The following CFAP47 variants were observed in gnomAD, a reference collection of about 807,000 sequenced individuals.
CFAP47 encodes the protein cilia and flagella associated protein 47, also known as cilia- and flagella-associated protein 47.
In CFAP47, 29 loss-of-function variants were observed where a neutral mutation model predicts 148.1. That is an observed-to-expected ratio of 0.20 (90% CI 0.15 to 0.27). The LOEUF (loss-of-function observed/expected upper bound fraction) is 0.27. Among genes scored for constraint, CFAP47 ranks in the 10% least tolerant of loss-of-function variants. CFAP47 has a pLI of 1.00. For synonymous variants in CFAP47, 664 were observed against 577.3 expected, an observed-to-expected ratio of 1.15 and a Z score of -2.15; for missense variants, 1,872 against 1,697.5, an observed-to-expected ratio of 1.10 and a Z score of -1.81.
chrX:36,186,519 T>C (rs1303034824), intron 40 of CFAP47, among the ~76,000 whole-genome samples: 1 of 112,137 alleles, frequency 8.9e-6, no homozygotes, highest in Non-Finnish European at 1.9e-5. Flanking sequence ...AAGGGCATGA[T>C]GCATCAAAAC....
In CFAP47 at chrX:35,975,252, C is replaced by T; in HGVS notation, c.2360C>T (p.Thr787Ile). 8.3e-7 allele frequency: 1 copy of T among 1,198,728 alleles called. No individual in the cohort carries two copies. Among genetic ancestry groups the T allele is most frequent in the Non-Finnish European group, 1.1e-6 (1 of 884,531 alleles). Reference sequence around the variant, plus strand: ...ATGCATGTTTTGCTCCAGTTAGATACTGATTTAGAAGAACTTCAGAAGACC... The same window carrying T: ...ATGCATGTTTTGCTCCAGTTAGATATTGATTTAGAAGAACTTCAGAAGACC... ...LPMHVLLQLD[T>I]DLEELQKTNQ... Residue 787 changes from threonine to isoleucine, a missense_variant, in exon 14 of 64, where the codon ACT (threonine) becomes ATT (isoleucine). Transcript: ENST00000378653.
chrX:36,121,855 G>A (rs12008754), intron 33 of CFAP47, among the ~76,000 whole-genome samples: 10,860 of 110,769 alleles, frequency 0.098, 1,040 homozygotes, highest in African/African-American at 0.3. Context: ...TTTTCTGTAT[G>A]CTTATTATTA....
chrX:35,987,505 C>T (rs1332139044), intron 15 of CFAP47, among the ~76,000 whole-genome samples: 1 of 111,746 alleles, frequency 8.9e-6, no homozygotes, highest in Non-Finnish European at 1.9e-5. Context: ...GCTGTGCTGG[C>T]AGTGAGAATT....
chrX:35,998,604 G>A (rs1936876331), intron 19 of CFAP47, among the ~76,000 whole-genome samples: 1 of 111,517 alleles, frequency 9.0e-6, no homozygotes, highest in Admixed American at 9.6e-5. Context: ...CCTCAGGTAG[G>A]GGGCTCACTG....
chrX:36,040,598 A>G (rs1395386929), intron 25 of CFAP47, among the ~76,000 whole-genome samples: 1 of 112,000 alleles, frequency 8.9e-6, no homozygotes, highest in Non-Finnish European at 1.9e-5. Context: ...AATATAGACT[A>G]TGTTCTCCAA....
At position 36,089,170 on chromosome X, in the gene CFAP47, C is replaced by A. The variant is rs1418414740; in HGVS notation, c.4916+3632C>A. 5.4e-5 allele frequency among the ~76,000 whole-genome samples: 6 copies of A among 110,840 alleles called. No homozygotes were observed. In the East Asian group the frequency reaches 1.4e-3, roughly 26 times the overall value. ...ATCACACAAGGTCAGGAGTTTGAGA[C>A]CAGCCTGGCCAACATGGAGAAGCCC... On this transcript the variant is annotated intron_variant, in intron 30 of 63. Coordinates refer to ENST00000378653, the MANE Select transcript of CFAP47 (RefSeq NM_001304548.2).
At chrX:36,243,967 A>G (rs1409197582) in intron 48 of CFAP47, among the ~76,000 whole-genome samples, 2 of 110,349 alleles carry the variant, frequency 1.8e-5, no homozygotes, top group Admixed American at 9.7e-5. Flanking sequence ...TTTAAGATTG[A>G]CCACATGTTC....
chrX:36,257,431 T>C (rs1200625146), intron 49 of CFAP47, among the ~76,000 whole-genome samples: 1 of 109,854 alleles, frequency 9.1e-6, no homozygotes, highest in Non-Finnish European at 1.9e-5. Flanking sequence ...TTTCTTTTTT[T>C]TTTTTTTAAA....
At chrX:36,200,218 A>G (rs1939965154) in intron 42 of CFAP47, among the ~76,000 whole-genome samples, 161 bp from the exon 43 acceptor site, 1 of 112,101 alleles carries the variant, frequency 8.9e-6, no homozygotes, top group Non-Finnish European at 1.9e-5. Flanking sequence ...TGGTTGAACT[A>G]TATTTGTGCC....
intron 62 of CFAP47, among the ~76,000 whole-genome samples, chrX:36,369,913 G>A (rs1387461862): frequency 3.6e-5 from 4 of 111,273 alleles, no homozygotes; most frequent in Non-Finnish European, 7.5e-5. Flanking sequence ...TAAAGAATGT[G>A]CAGGCTTGCC....
intron 15 of CFAP47, among the ~76,000 whole-genome samples, chrX:35,981,514 C>T (rs2146675281): frequency 9.1e-6 from 1 of 109,846 alleles, no homozygotes; most frequent in South Asian, 3.9e-4. Context: ...AACAATTAGA[C>T]AAAATATACA....
At chrX:36,165,101 T>C (rs990577285) in intron 39 of CFAP47, among the ~76,000 whole-genome samples, 1 of 112,053 alleles carries the variant, frequency 8.9e-6, no homozygotes, top group Non-Finnish European at 1.9e-5. Context: ...TCCAGGTTCA[T>C]CCACGTTGTT....
At chrX:36,154,130 G>T (rs1485262674) in intron 37 of CFAP47, among the ~76,000 whole-genome samples, 2 of 111,845 alleles carry the variant, frequency 1.8e-5, no homozygotes, top group Non-Finnish European at 3.8e-5. Context: ...TTTCAATATG[G>T]ATAAGCTAAG....
intron 49 of CFAP47, among the ~76,000 whole-genome samples, chrX:36,254,115 A>G (rs1940722561): frequency 8.9e-6 from 1 of 111,841 alleles, no homozygotes; most frequent in Non-Finnish European, 1.9e-5. Flanking sequence ...GATATATCTA[A>G]AGTTTAATTA....
chrX:36,200,160 T>C (rs1939964125), intron 42 of CFAP47, among the ~76,000 whole-genome samples: 1 of 111,974 alleles, frequency 8.9e-6, no homozygotes, highest in Admixed American at 9.5e-5. Flanking sequence ...TGGGACCTTC[T>C]TAAGCAATCC....
chrX:36,120,295 A>C (rs1247180871), intron 33 of CFAP47, among the ~76,000 whole-genome samples: 1 of 110,549 alleles, frequency 9.0e-6, no homozygotes, highest in African/African-American at 3.3e-5. Context: ...GGCATGAGCC[A>C]CCACTCCCAG....
chrX:36,193,098 C>T (rs1437285599), intron 42 of CFAP47, among the ~76,000 whole-genome samples: 1 of 112,097 alleles, frequency 8.9e-6, no homozygotes, highest in African/African-American at 3.2e-5. Context: ...ATTCTTTCCA[C>T]TCTCAGTCAT....
intron 33 of CFAP47, among the ~76,000 whole-genome samples, chrX:36,109,400 C>T (rs1383558901): frequency 2.7e-5 from 3 of 111,913 alleles, no homozygotes; most frequent in African/African-American, 9.8e-5. Flanking sequence ...AACTAATTTA[C>T]ACTCCCAGCG....
At chrX:35,954,938 A>G (rs1365962453) in intron 7 of CFAP47, among the ~76,000 whole-genome samples, 3 of 112,384 alleles carry the variant, frequency 2.7e-5, no homozygotes, top group Non-Finnish European at 5.6e-5. Context: ...GGAGAAAAAC[A>G]TACAACCTTG....
Sources: gnomAD v4.1 joint callset for allele counts (sites outside exome capture counted in the v4.1 genomes callset) on GRCh38, gnomAD v4.1.1 for gene constraint, MANE v1.5 for transcripts, NCBI Gene and HGNC (gene_info 2026-07-23, HGNC 2026-07-21) for gene names.